The following RTL1 variants were observed in gnomAD, a reference collection of about 807,000 sequenced individuals.
RTL1 encodes retrotransposon-like protein 1.
For synonymous variants in RTL1, 727 were observed against 748.4 expected (o/e 0.97, Z 0.47); for missense variants, 1,681 against 1,767.5 (o/e 0.95, Z 0.88).
chr14:100,895,518 G>A (rs906185759), intron 2 of RTL1, among the ~76,000 whole-genome samples: 51 of 152,276 alleles, frequency 3.3e-4, no homozygotes, highest in South Asian at 2.1e-3. Flanking sequence ...TGGATCTGCC[G>A]CCGAATGGCC....
At position 100,883,411 on chromosome 14, in the gene RTL1, G is replaced by C; in HGVS notation, c.1378C>G (p.Gln460Glu). The C allele has an allele frequency of 6.5e-7, 1 of 1,550,386 alleles. No homozygotes were observed. Among genetic ancestry groups the C allele is most frequent in the Non-Finnish European group, 8.7e-7 (1 of 1,146,088 alleles). The part of the protein sequence containing the change: ...LYEKPYPQPV[Q>E]SVDGSLIGNE... ...CCAATCAGCGAGCCGTCCACGGATT[G>C]GACCGGCTGTGGGTACGGCTTCTCG... The change falls in exon 4 of 4, where the codon CAA becomes GAA. Residue 460 changes from glutamine to glutamate, a missense_variant. By Grantham distance (29) the Gln-to-Glu change is conservative. Transcript: ENST00000649591. The surrounding 1 kb of genome is among the most constrained non-coding windows in gnomAD (Gnocchi z 5.9).
intron 2 of RTL1, among the ~76,000 whole-genome samples, chr14:100,897,165 G>A (rs745970220): frequency 5.9e-5 from 9 of 152,212 alleles, no homozygotes; most frequent in South Asian, 4.1e-4. Flanking sequence ...AAACATATTC[G>A]CGATAAAATA....
rs1310010501 is a variant in RTL1 at position 100,881,327 on chromosome 14, A to C, written c.3462T>G (p.Gly1154=). Residue 1154 remains glycine (G), a synonymous_variant, in exon 4 of 4, where the codon GGT becomes GGG. Coordinates refer to ENST00000649591, the MANE Select transcript of RTL1 (RefSeq NM_001134888.3). This position sits in a 1 kb window ranked among gnomAD's most constrained non-coding sequence, Gnocchi z 6.6. ...QLLTQMPALV[G]ANTIPAQELA... ...GCTCCTGGGCTGGGATGGTGTTTGCACCTACGAGAGCGGGCATCTGGGTGA... is the reference window on the plus strand; with the variant it reads ...GCTCCTGGGCTGGGATGGTGTTTGCCCCTACGAGAGCGGGCATCTGGGTGA... 6.4e-7 allele frequency: 1 copy of C among 1,550,432 alleles called. No homozygotes were observed. The highest frequency in any genetic ancestry group is 1.2e-5 in the South Asian group (1 of 84,068).
At chr14:100,894,371 C>T (rs183418112) in intron 2 of RTL1, among the ~76,000 whole-genome samples, 13 of 152,108 alleles carry the variant, frequency 8.5e-5, no homozygotes, top group South Asian at 2.1e-4. Context: ...GTCTGGGCCC[C>T]GGCCTCTGTT....
rs1935800984 is a variant in RTL1, at chr14:100,879,927, G to A, written c.*785C>T. Among the ~76,000 whole-genome samples the A allele has an allele frequency of 6.6e-6, 1 of 151,888 alleles. No homozygotes were observed. Among genetic ancestry groups the A allele is most frequent in the African/African-American group, 2.4e-5 (1 of 41,330 alleles). ...TTCTGGGACTCCATCCCTGTATGAG[G>A]GGCCCCTGCACCCCTGCACTGTCCA... is the stretch of plus-strand genomic sequence containing the variant. On this transcript the variant is annotated 3_prime_UTR_variant, in exon 4 of 4. Coordinates refer to ENST00000649591, the MANE Select transcript of RTL1 (RefSeq NM_001134888.3).
At position 100,893,182 on chromosome 14, in the gene RTL1, G is replaced by C. The variant is rs1328732248; in HGVS notation, c.-87+262C>G. Among the ~76,000 whole-genome samples, 1 of 152,208 alleles carries C rather than the reference G, an allele frequency of 6.6e-6. No individual in the cohort carries two copies. The highest frequency in any genetic ancestry group is 2.4e-5 in the African/African-American group (1 of 41,452). On this transcript the variant is annotated intron_variant, in intron 3 of 3. Transcript: ENST00000649591. The surrounding 1 kb of genome is among the most constrained non-coding windows in gnomAD (Gnocchi z 4.2). The stretch of plus-strand genomic sequence containing the variant: ...TCCATCTCCCCCAAAGGTGCTTGCT[G>C]TCATTCCCAACTCATTCTAGCTTAT...
rs373488766 is a variant in RTL1 at position 100,887,984 on chromosome 14, G to A, written c.-86-3110C>T. ...GGATACCTCTGCTCACGAGTGGTCT[G>A]ATGCTTATTCATTATCTGGTTCAGC... On this transcript the variant is annotated intron_variant, in intron 3 of 3. Coordinates refer to ENST00000649591, the MANE Select transcript of RTL1 (RefSeq NM_001134888.3). Among the ~76,000 whole-genome samples the A allele has an allele frequency of 4.6e-5, 7 of 152,302 alleles. No homozygotes were observed. The South Asian group carries it at 8.3e-4, about 18-fold the overall frequency.
chr14:100,899,061 C>G (rs1024462726), intron 2 of RTL1: 2 of 152,202 alleles, frequency 1.3e-5, no homozygotes, highest in East Asian at 1.9e-4. Flanking sequence ...GTCGGAGGAT[C>G]GTGTCATCTG....
Position 100,903,615 on chromosome 14 carries a change from C to T in RTL1, c.-255G>A, listed in dbSNP as rs2038972281. Among the ~76,000 whole-genome samples the T allele has an allele frequency of 6.6e-6, 1 of 152,176 alleles. No individual in the cohort carries two copies. Among genetic ancestry groups the T allele is most frequent in the African/African-American group, 2.4e-5 (1 of 41,442 alleles). On this transcript the variant is annotated 5_prime_UTR_variant, in exon 1 of 4. Transcript: ENST00000649591. Reference sequence around the variant, plus strand: ...AAGTCCTATACTCACCGTCTCTCAGCTGGTGTGAGGCTGGGCCAGGATGGA... The same window carrying T: ...AAGTCCTATACTCACCGTCTCTCAGTTGGTGTGAGGCTGGGCCAGGATGGA...
At chr14:100,899,342 C>T (rs1271763557) in intron 2 of RTL1, among the ~76,000 whole-genome samples, 6 of 152,196 alleles carry the variant, frequency 3.9e-5, no homozygotes, top group Admixed American at 2.0e-4. Context: ...CAGAGGTAAA[C>T]GGGTCTGGTC....
intron 3 of RTL1, among the ~76,000 whole-genome samples, chr14:100,892,788 G>A (rs2038799344): frequency 1.3e-5 from 2 of 152,158 alleles, no homozygotes; most frequent in South Asian, 4.1e-4. Context: ...CGACTAGAAT[G>A]TATTTATTAA....
In RTL1 at chr14:100,883,140, C is replaced by T. The variant is rs2140036187; in HGVS notation, c.1649G>A (p.Ser550Asn). 8 of 1,608,462 alleles carry T rather than the reference C, an allele frequency of 5.0e-6. No homozygotes were observed. The East Asian group carries it at 1.6e-4, about 31-fold the overall frequency. ...PCIALERHGMSLLPGLPHPYS... is the reference protein window; with the variant it reads ...PCIALERHGMNLLPGLPHPYS... Reference sequence around the variant, plus strand: ...TGGGTGTGGCAGTCCGGGTAGCAGGCTCATGCCGTGCCTCTCTAGGGCAAT... The same window carrying T: ...TGGGTGTGGCAGTCCGGGTAGCAGGTTCATGCCGTGCCTCTCTAGGGCAAT... Residue 550 changes from serine to asparagine, a missense_variant, in exon 4 of 4, where the codon AGC becomes AAC. Ser to Asn is a conservative substitution (Grantham distance 46). Transcript: ENST00000649591. The surrounding 1 kb of genome is among the most constrained non-coding windows in gnomAD (Gnocchi z 5.9).
chr14:100,887,671 G>C (rs1324476390), intron 3 of RTL1, among the ~76,000 whole-genome samples: 1 of 151,840 alleles, frequency 6.6e-6, no homozygotes. Context: ...CGGGAGAATC[G>C]CTTGAACCTT....
chr14:100,890,321 G>C (rs2038755503), intron 3 of RTL1, among the ~76,000 whole-genome samples: 1 of 151,906 alleles, frequency 6.6e-6, no homozygotes. Flanking sequence ...GGGGCCATGG[G>C]GGGGACAAAT....
chr14:100,901,100 C>G (rs2038935843), intron 2 of RTL1, among the ~76,000 whole-genome samples: 1 of 152,196 alleles, frequency 6.6e-6, no homozygotes. Context: ...GTGGCGACCC[C>G]AGGGCTGACA....
At chr14:100,894,327 G>GA (rs1187107562) in intron 2 of RTL1, among the ~76,000 whole-genome samples, 5 of 126,064 alleles carry the variant, frequency 4.0e-5, no homozygotes, top group Non-Finnish European at 6.8e-5. Flanking sequence ...AAAAAAAAAA[G>GA]AAAAAAAAAG....
chr14:100,897,808 G>T (rs914073813), intron 2 of RTL1: 2 of 215,666 alleles, frequency 9.3e-6, no homozygotes, highest in Non-Finnish European at 2.0e-5. Context: ...GTGGCGGCAG[G>T]TGTAAGTAAT....
chr14:100,897,013 G>A (rs778400846), intron 2 of RTL1, among the ~76,000 whole-genome samples: 8 of 152,176 alleles, frequency 5.3e-5, no homozygotes, highest in South Asian at 2.1e-4. Context: ...GCACTCCCCC[G>A]TGGGTGCTGG....
At position 100,884,257 on chromosome 14, in the gene RTL1, G is replaced by A. The variant is rs2140037669; in HGVS notation, c.532C>T (p.Gln178Ter). The A allele has an allele frequency of 6.4e-7, 1 of 1,551,762 alleles. No homozygotes were observed. Among genetic ancestry groups the A allele is most frequent in the Non-Finnish European group, 8.7e-7 (1 of 1,147,000 alleles). Reference protein sequence around the residue: ...RSIISLYFRMQDLKEQQRVAE... With the variant: ...RSIISLYFRM ...ACTCTCTGTTGCTCTTTGAGGTCTT[G>A]CATTCGGAAGTACAGCGAGATGATG... The change falls in exon 4 of 4, where the codon CAA becomes TAA. Residue 178 changes from glutamine to a stop codon, truncating the protein, a stop_gained. Transcript: ENST00000649591. LOFTEE classifies it low-confidence loss of function (END_TRUNC).
Sources: gnomAD v4.1 joint callset for allele counts (sites outside exome capture counted in the v4.1 genomes callset) on GRCh38, gnomAD v4.1.1 for gene constraint, Gnocchi (gnomAD v3.1) non-coding constraint, MANE v1.5 for transcripts, NCBI Gene and HGNC (gene_info 2026-07-23, HGNC 2026-07-21) for gene names.